PRKG1: variants seen among roughly 807,000 people sequenced by gnomAD.
The protein encoded by PRKG1 is protein kinase cGMP-dependent 1.
A neutral mutation model predicts 88.1 loss-of-function variants in PRKG1; 35 were observed. That is an observed-to-expected ratio of 0.40 (90% CI 0.30 to 0.53). The LOEUF (loss-of-function observed/expected upper bound fraction) is 0.53. PRKG1 is among the 20% of genes least tolerant of loss of function. The pLI is 0.59. For missense variants in PRKG1, 540 were observed against 839.8 expected, an observed-to-expected ratio of 0.64 and a Z score of 4.41; for synonymous variants, 303 against 292.5, an observed-to-expected ratio of 1.04 and a Z score of -0.37.
chr10:51,438,486 C>G (rs1053575518), intron 2 of PRKG1, among the ~76,000 whole-genome samples: 7 of 151,824 alleles, frequency 4.6e-5, no homozygotes, highest in African/African-American at 1.7e-4. Flanking sequence ...ATGACCTTGA[C>G]AGTATTGAGA....
Position 51,219,169 on chromosome 10 carries a change from A to G in PRKG1, c.478+65839A>G, listed in dbSNP as rs184007830. On this transcript the variant is annotated intron_variant, in intron 2 of 17. Transcript: ENST00000373980. ...TGAATACAGATTACTCATTTTCAAAAATTAGTGGTGAACACACTTCAATAC... is the reference window on the plus strand; with the variant it reads ...TGAATACAGATTACTCATTTTCAAAGATTAGTGGTGAACACACTTCAATAC... Among the ~76,000 whole-genome samples the G allele has an allele frequency of 5.3e-5, 8 of 152,338 alleles. No individual in the cohort carries two copies. In the East Asian group the frequency reaches 1.5e-3, roughly 29 times the overall value.
At chr10:51,562,219 A>T (rs944882931) in intron 3 of PRKG1, among the ~76,000 whole-genome samples, 2 of 44,678 alleles carry the variant, frequency 4.5e-5, no homozygotes, top group Admixed American at 2.7e-4. Flanking sequence ...CCTAGACTCC[A>T]TCTCAAAAAA....
intron 3 of PRKG1, among the ~76,000 whole-genome samples, chr10:51,585,220 C>A (rs1838143122): frequency 6.6e-6 from 1 of 151,998 alleles, no homozygotes; most frequent in African/African-American, 2.4e-5. Context: ...CACTTAAATT[C>A]TTTCTCAAAA....
chr10:51,186,954 T>TTTTATA (rs1318166640), intron 2 of PRKG1, among the ~76,000 whole-genome samples: 3,108 of 131,136 alleles, frequency 0.024, 48 homozygotes, highest in African/African-American at 0.035. Context: ...AGGCCCTGTG[T>TTTTATA]TATATATATA....
chr10:51,920,079 G>A (rs1842430567), intron 5 of PRKG1, among the ~76,000 whole-genome samples: 1 of 152,096 alleles, frequency 6.6e-6, no homozygotes, highest in Non-Finnish European at 1.5e-5. Context: ...CATGCCTTCT[G>A]AAATACAAGA....
chr10:51,780,100 AACTT>A (rs1373822354), intron 3 of PRKG1, among the ~76,000 whole-genome samples: 2 of 152,068 alleles, frequency 1.3e-5, no homozygotes, highest in Non-Finnish European at 2.9e-5. Flanking sequence ...GGAGTAGAAA[AACTT>A]ACCGCGTAAT....
At chr10:52,237,921 A>G (rs998612780) in intron 9 of PRKG1, among the ~76,000 whole-genome samples, 4 of 141,008 alleles carry the variant, frequency 2.8e-5, no homozygotes, top group Non-Finnish European at 6.1e-5. Context: ...TTCAAACTAT[A>G]CTGCAAGGCT....
At chr10:51,512,191 T>TC (rs397962181) in intron 3 of PRKG1, among the ~76,000 whole-genome samples, 14 of 146,998 alleles carry the variant, frequency 9.5e-5, no homozygotes, top group Admixed American at 7.5e-4. Context: ...TTTTTTTTTT[T>TC]AGTTTTTTTT....
At chr10:51,738,498 G>A (rs966580978) in intron 3 of PRKG1, among the ~76,000 whole-genome samples, 9 of 152,142 alleles carry the variant, frequency 5.9e-5, no homozygotes, top group African/African-American at 2.2e-4. Flanking sequence ...GAAATGTGTG[G>A]CACAATATAT....
chr10:51,721,528 G>A (rs564659833), intron 3 of PRKG1, among the ~76,000 whole-genome samples: 5 of 152,162 alleles, frequency 3.3e-5, no homozygotes, highest in Admixed American at 1.3e-4. Flanking sequence ...GGAAATCCAC[G>A]TTATTCACCA....
In PRKG1 at chr10:51,632,447, G is replaced by A. The variant is rs562955021; in HGVS notation, c.592+164611G>A. Among the ~76,000 whole-genome samples, 25 of 152,248 alleles carry A rather than the reference G, an allele frequency of 1.6e-4. No individual in the cohort carries two copies. The South Asian group carries it at 3.3e-3, about 20-fold the overall frequency. On this transcript the variant is annotated intron_variant, in intron 3 of 17. Transcript: ENST00000373980. The stretch of plus-strand genomic sequence containing the variant: ...CCAATGATTTTATGAGCTTGTGCAC[G>A]TGCACACCCATCGCAGTCAAGTACA...
At chr10:52,019,841 C>A (rs1237089082) in intron 5 of PRKG1, among the ~76,000 whole-genome samples, 2 of 152,018 alleles carry the variant, frequency 1.3e-5, no homozygotes, top group African/African-American at 4.8e-5. Flanking sequence ...TTCTCTAGGC[C>A]CCCAAGTAAG....
intron 7 of PRKG1, among the ~76,000 whole-genome samples, chr10:52,068,040 T>C (rs1280115236): frequency 7.3e-6 from 1 of 137,130 alleles, no homozygotes; most frequent in African/African-American, 2.6e-5. Flanking sequence ...CCGTCTCTAC[T>C]AAAAATACAA....
At chr10:51,370,512 A>G (rs10997202) in intron 2 of PRKG1, among the ~76,000 whole-genome samples, 3,773 of 146,838 alleles carry the variant, frequency 0.026, 57 homozygotes, top group South Asian at 0.043. Flanking sequence ...GTGTGTGTGT[A>G]TGTGTGTGTG....
intron 9 of PRKG1, among the ~76,000 whole-genome samples, chr10:52,174,524 T>G (rs10824201): frequency 0.29 from 44,147 of 151,820 alleles, 6,833 homozygotes; most frequent in Admixed American, 0.44. Flanking sequence ...AAGAAGCATT[T>G]AATTACTTAT....
chr10:51,747,538 T>C (rs775272241), intron 3 of PRKG1, among the ~76,000 whole-genome samples: 8 of 152,176 alleles, frequency 5.3e-5, no homozygotes, highest in Admixed American at 4.6e-4. Context: ...AGGTTTTGAT[T>C]GTGTAGGTCT....
At chr10:51,498,154 G>T (rs1045038009) in intron 3 of PRKG1, among the ~76,000 whole-genome samples, 1 of 152,122 alleles carries the variant, frequency 6.6e-6, no homozygotes, top group Non-Finnish European at 1.5e-5. Flanking sequence ...GGCAATAAAG[G>T]CTATGTAGAT....
rs185621622 is a variant in PRKG1, at chr10:51,324,493, C to A, written c.479-143230C>A. ...CCGGGCGCGGTGGCTCACGCCAGGC[C>A]GAGGCAGGCAGATTATCAGGTCAGG... On this transcript the variant is annotated intron_variant, in intron 2 of 17. Coordinates refer to ENST00000373980, the MANE Select transcript of PRKG1 (RefSeq NM_006258.4). 6.1e-3 allele frequency among the ~76,000 whole-genome samples: 911 copies of A among 150,292 alleles called. 9 individuals are homozygous for A. Among genetic ancestry groups the A allele is most frequent in the Middle Eastern group, 0.021 (6 of 288 alleles).
At chr10:51,824,154 G>A (rs1169817044) in intron 4 of PRKG1, among the ~76,000 whole-genome samples, 6 of 152,014 alleles carry the variant, frequency 3.9e-5, no homozygotes, top group East Asian at 3.9e-4. Context: ...GACTATAGGC[G>A]AGGGCCACCA....
Sources: gnomAD v4.1 joint callset for allele counts (sites outside exome capture counted in the v4.1 genomes callset) on GRCh38, gnomAD v4.1.1 for gene constraint, MANE v1.5 for transcripts, NCBI Gene and HGNC (gene_info 2026-07-23, HGNC 2026-07-21) for gene names.